Variants in CLEC2B observed in about 807,000 individuals in gnomAD.
CLEC2B encodes the protein C-type (calcium dependent, carbohydrate-recognition domain) lectin, superfamily member 2 (activation-induced).
Under a neutral mutation model 16.2 loss-of-function variants are expected in CLEC2B, and 14 were observed. That is an observed-to-expected ratio of 0.86 (90% CI 0.57 to 1.35). The LOEUF is 1.35. Ranked by LOEUF, CLEC2B falls within the 40% of genes most tolerant of loss-of-function variation. The pLI is 0.00. For synonymous variants in CLEC2B, 42 were observed against 55.8 expected, an observed-to-expected ratio of 0.75 and a Z score of 1.10; for missense variants, 166 against 182.3, an observed-to-expected ratio of 0.91 and a Z score of 0.52.
At chr12:9,862,272 A>G (rs947119110) in intron 2 of CLEC2B, among the ~76,000 whole-genome samples, 2 of 152,188 alleles carry the variant, frequency 1.3e-5, no homozygotes, top group Non-Finnish European at 2.9e-5. Flanking sequence ...AAAGTGTTGA[A>G]TAGAAGTGAG....
At chr12:9,853,789 A>G (rs1867871411) in intron 4 of CLEC2B, among the ~76,000 whole-genome samples, 1 of 152,154 alleles carries the variant, frequency 6.6e-6, no homozygotes, top group South Asian at 2.1e-4. Context: ...CCAATGCCCT[A>G]CAATGCACAA....
chr12:9,857,273 C>T, intron 3 of CLEC2B: 2 of 550,016 alleles, frequency 3.6e-6, no homozygotes, highest in Non-Finnish European at 6.5e-6. Context: ...ATTAAGTCTA[C>T]TACTTGATGT....
chr12:9,860,537 G>A (rs1867925856), intron 2 of CLEC2B, among the ~76,000 whole-genome samples: 1 of 151,780 alleles, frequency 6.6e-6, no homozygotes, highest in Non-Finnish European at 1.5e-5. Context: ...TATTTTAAAT[G>A]TATGATTCAA....
chr12:9,862,182 ATTATAT>A (rs1306272106), intron 2 of CLEC2B, among the ~76,000 whole-genome samples: 2 of 152,056 alleles, frequency 1.3e-5, no homozygotes, highest in African/African-American at 2.4e-5. Flanking sequence ...TTTAAATTTG[ATTATAT>A]TTATATAAAA....
chr12:9,853,574 C>A lies in CLEC2B; in HGVS notation c.342-166G>T, dbSNP rs532197416. Among the ~76,000 whole-genome samples the A allele has an allele frequency of 2.6e-5, 4 of 152,316 alleles. No individual in the cohort carries two copies. The South Asian group carries it at 8.3e-4, about 32-fold the overall frequency. On this transcript the variant is annotated intron_variant, in intron 4 of 4. Transcript: ENST00000228438. ...ATACCAATTTGGATCAAAAGAGTTT[C>A]TTTTCCAAGAATTTGTACATGTTAA...
chr12:9,859,541 A>C (rs1449809963), intron 2 of CLEC2B, among the ~76,000 whole-genome samples: 1 of 151,916 alleles, frequency 6.6e-6, no homozygotes, highest in Non-Finnish European at 1.5e-5. Flanking sequence ...TCTAGTTAAA[A>C]AATTAAATCT....
rs559310189 is a variant in CLEC2B at position 9,857,543 on chromosome 12, C to T, written c.168G>A (p.Trp56Ter). ...CYYFSKEEGD[W>*]NSSKYNCSTQ... ...TGGAACAGTTGTATTTACTTGAATT[C>T]CAATCTCCTTCTTCTTTAGAGAAAT... Residue 56 changes from tryptophan (W) to a stop codon, truncating the protein, a stop_gained, in exon 3 of 5, where the codon TGG becomes TGA. Transcript: ENST00000228438. LOFTEE classifies it high-confidence loss of function. 5 of 1,611,204 alleles carry T rather than the reference C, an allele frequency of 3.1e-6. No homozygotes were observed. Among genetic ancestry groups the T allele is most frequent in the Non-Finnish European group, 2.5e-6 (3 of 1,177,912 alleles).
intron 2 of CLEC2B, among the ~76,000 whole-genome samples, chr12:9,860,087 G>T (rs975887534): frequency 1.3e-3 from 202 of 151,714 alleles, no homozygotes; most frequent in African/African-American, 4.7e-3. Context: ...ACTGATTTAA[G>T]AATGAGACAA....
intron 4 of CLEC2B, among the ~76,000 whole-genome samples, 162 bp from the exon 5 acceptor site, chr12:9,853,570 G>A (rs952124684): frequency 6.6e-6 from 1 of 152,170 alleles, no homozygotes. Flanking sequence ...GATCAAAAGA[G>A]TTTCTTTTCC....
At chr12:9,862,600 G>A in intron 1 of CLEC2B, 27 bp from the exon 2 acceptor site, 1 of 1,404,142 alleles carries the variant, frequency 7.1e-7, no homozygotes, top group Non-Finnish European at 9.4e-7. Context: ...AAGACATTTA[G>A]GAGACTTCTG....
intron 4 of CLEC2B, among the ~76,000 whole-genome samples, chr12:9,854,096 A>G (rs763340478): frequency 6.6e-6 from 1 of 152,206 alleles, no homozygotes; most frequent in Non-Finnish European, 1.5e-5. Flanking sequence ...TGGACAGGAT[A>G]GTTTATAATC....
intron 3 of CLEC2B, chr12:9,856,751 C>A (rs1867896400): frequency 6.6e-6 from 1 of 151,858 alleles, no homozygotes; most frequent in Non-Finnish European, 1.5e-5. Flanking sequence ...TTAAAGAGAC[C>A]AAACAAAGGT....
At chr12:9,854,602 C>G (rs1283628612) in intron 3 of CLEC2B, 118 bp from the exon 4 acceptor site, 17 of 635,530 alleles carry the variant, frequency 2.7e-5, no homozygotes, top group Non-Finnish European at 3.6e-5. Context: ...CTCCTGGCCT[C>G]ACTAGAAAAT....
chr12:9,860,955 A>G (rs1867928401), intron 2 of CLEC2B, among the ~76,000 whole-genome samples: 2 of 151,952 alleles, frequency 1.3e-5, no homozygotes, highest in African/African-American at 4.8e-5. Flanking sequence ...ATAAAAATCA[A>G]CTTCAAGAGG....
At chr12:9,862,111 C>T (rs1428492130) in intron 2 of CLEC2B, among the ~76,000 whole-genome samples, 1 of 152,034 alleles carries the variant, frequency 6.6e-6, no homozygotes, top group African/African-American at 2.4e-5. Context: ...TACAAAGATA[C>T]ATGCAAATTG....
chr12:9,859,655 C>T (rs527767363), intron 2 of CLEC2B, among the ~76,000 whole-genome samples: 8 of 151,898 alleles, frequency 5.3e-5, no homozygotes, highest in African/African-American at 1.9e-4. Flanking sequence ...GTTATACACA[C>T]TCTTTCAGAA....
Position 9,857,574 on chromosome 12 carries a change from C to T in CLEC2B, c.137G>A (p.Cys46Tyr). Residue 46 changes from cysteine to tyrosine, a missense_variant, in exon 3 of 5, where the codon TGC becomes TAC. Coordinates refer to ENST00000228438, the MANE Select transcript of CLEC2B (RefSeq NM_005127.3). ...PYDWIGFQNK[C>Y]YYFSKEEGDW... is the part of the protein sequence containing the mutation. ...TCCTTCTTCTTTAGAGAAATAATAG[C>T]ATTTGTTTTGGAAACCAATCCAATC... The T allele has an allele frequency of 1.2e-6, 2 of 1,611,186 alleles. No individual in the cohort carries two copies. The highest frequency in any genetic ancestry group is 1.7e-6 in the Non-Finnish European group (2 of 1,177,936).
intron 1 of CLEC2B, among the ~76,000 whole-genome samples, chr12:9,867,982 T>C (rs78518265): frequency 0.025 from 3,809 of 151,744 alleles, 83 homozygotes; most frequent in Middle Eastern, 0.038. Flanking sequence ...GCAGAGCAAA[T>C]AAAATATTTG....
chr12:9,859,443 C>A (rs1487382170), intron 2 of CLEC2B, among the ~76,000 whole-genome samples: 7 of 151,598 alleles, frequency 4.6e-5, no homozygotes, highest in South Asian at 2.1e-4. Flanking sequence ...ATTAGCAACA[C>A]AAAGAATGAA....
Sources: allele counts gnomAD v4.1 joint callset (sites outside exome capture counted in the v4.1 genomes callset), GRCh38; gene constraint gnomAD v4.1.1; transcripts MANE v1.5; gene names NCBI Gene and HGNC (gene_info 2026-07-23, HGNC 2026-07-21).